FAM83G: variants seen among roughly 807,000 people sequenced by gnomAD.
The protein encoded by FAM83G is scaffolding CK1 anchoring protein G, also known as protein FAM83G.
Under a neutral mutation model 61.5 loss-of-function variants are expected in FAM83G, and 38 were observed. That is an observed-to-expected ratio of 0.62 (90% CI 0.48 to 0.81). The LOEUF is 0.81. Ranked by LOEUF, FAM83G falls within the 30% of genes least tolerant of loss-of-function variation. FAM83G has a pLI of 0.00. For missense variants in FAM83G, 989 were observed against 1,133.6 expected, an observed-to-expected ratio of 0.87 and a Z score of 1.83; for synonymous variants, 470 against 476.1, an observed-to-expected ratio of 0.99 and a Z score of 0.17.
In FAM83G at chr17:18,978,382, G is replaced by T; in HGVS notation, c.1284C>A (p.Tyr428Ter). Residue 428 changes from tyrosine to a stop codon, truncating the protein, a stop_gained, in exon 5 of 6, where the codon TAC becomes TAA. Transcript: ENST00000388995. LOFTEE classifies it high-confidence loss of function. ...AGATGTTGGGGTCGATGATATTGAT[G>T]TAGCCCAGGATGTCGCTGCCAGGCT... ...DPEPGSDILG[Y>*]INIIDPNIWN... The T allele has an allele frequency of 1.3e-6, 2 of 1,592,680 alleles. No homozygotes were observed. Among genetic ancestry groups the T allele is most frequent in the Non-Finnish European group, 8.5e-7 (1 of 1,169,696 alleles).
In FAM83G at chr17:18,969,360, T is replaced by C; in HGVS notation, c.*1999A>G. The C allele has an allele frequency of 6.2e-7, 1 of 1,613,608 alleles. No homozygotes were observed. Among genetic ancestry groups the C allele is most frequent in the African/African-American group, 1.3e-5 (1 of 75,070 alleles). ...CTGGCAGGGGGCCTGGCTGCTGTAA[T>C]CTACACGGACGCCCTGCAGACGCTC... On this transcript the variant is annotated 3_prime_UTR_variant, in exon 6 of 6. Transcript: ENST00000388995.
chr17:18,994,241 C>G (rs531928077), intron 2 of FAM83G, among the ~76,000 whole-genome samples: 6 of 152,354 alleles, frequency 3.9e-5, no homozygotes, highest in African/African-American at 1.4e-4. Context: ...CCATGGACAA[C>G]AGGCTTCAAT....
At position 19,003,988 on chromosome 17, in the gene FAM83G, G is replaced by A; in HGVS notation, c.54C>T (p.Ser18=). ...AGAAGAACTCAGGCTTGGACTCGCTGGAGCGCCAGTTCACATGGTTGTCGT... is the reference window on the plus strand; with the variant it reads ...AGAAGAACTCAGGCTTGGACTCGCTAGAGCGCCAGTTCACATGGTTGTCGT... The part of the protein sequence containing the change: ...CLDDNHVNWR[S]SESKPEFFYS... Residue 18 remains serine, a synonymous_variant, in exon 2 of 6, where the codon TCC becomes TCT. Transcript: ENST00000388995. The surrounding 1 kb of genome is among the most constrained non-coding windows in gnomAD (Gnocchi z 4.5). 6.2e-7 allele frequency: 1 copy of A among 1,612,210 alleles called. No individual in the cohort carries two copies. The highest frequency in any genetic ancestry group is 8.5e-7 in the Non-Finnish European group (1 of 1,179,550).
At chr17:19,005,805 G>GC (rs1041447038), upstream of FAM83G, among the ~76,000 whole-genome samples, 2 of 152,132 alleles carry the variant, frequency 1.3e-5, no homozygotes, top group African/African-American at 2.4e-5. Flanking sequence ...CTGCCATATA[G>GC]CCCCCCAAGG....
intron 3 of FAM83G, among the ~76,000 whole-genome samples, chr17:18,984,250 GAT>G (rs2043209688): frequency 6.8e-6 from 1 of 147,692 alleles, no homozygotes; most frequent in African/African-American, 2.6e-5. Flanking sequence ...GCTGAAGCAG[GAT>G]AATGGCACGA....
At chr17:18,995,339 G>T (rs1216815052) in intron 2 of FAM83G, among the ~76,000 whole-genome samples, 1 of 152,134 alleles carries the variant, frequency 6.6e-6, no homozygotes, top group Non-Finnish European at 1.5e-5. Flanking sequence ...CAACATTTAA[G>T]ACGAAAAATA....
intron 5 of FAM83G, among the ~76,000 whole-genome samples, chr17:18,974,180 C>T (rs971440385): frequency 1.6e-4 from 24 of 152,066 alleles, no homozygotes; most frequent in Non-Finnish European, 3.1e-4. Context: ...CATGAGCCAC[C>T]ATGCCCAGCC....
Position 18,971,303 on chromosome 17 carries a change from C to T in FAM83G, c.*56G>A, listed in dbSNP as rs566888525. On this transcript the variant is annotated 3_prime_UTR_variant, in exon 6 of 6. Coordinates refer to ENST00000388995, the MANE Select transcript of FAM83G (RefSeq NM_001039999.3). The surrounding 1 kb of genome is among the most constrained non-coding windows in gnomAD (Gnocchi z 5.5). ...GCCCAGGCGGCCTGTCTGCCCTCCG[C>T]GTCATGAGTCTGGGCTGGGGCCTCA... is the stretch of plus-strand genomic sequence containing the variant. 1.1e-3 allele frequency: 1,768 copies of T among 1,608,052 alleles called. 5 individuals carry two copies. The highest frequency in any genetic ancestry group is 1.7e-3 in the South Asian group (152 of 90,712).
chr17:18,990,727 G>A (rs1268347417), intron 2 of FAM83G, among the ~76,000 whole-genome samples: 6 of 152,246 alleles, frequency 3.9e-5, no homozygotes, highest in Non-Finnish European at 8.8e-5. Context: ...ATTGGGTTCA[G>A]TGCCTAGGGT....
At chr17:19,001,318 T>C (rs964947948) in intron 2 of FAM83G, among the ~76,000 whole-genome samples, 1 of 152,222 alleles carries the variant, frequency 6.6e-6, no homozygotes, top group Non-Finnish European at 1.5e-5. Context: ...TCCTTCTCTG[T>C]GCCTCAGTAT....
rs1393758835 is a variant in FAM83G, at chr17:19,000,403, G to T, written c.522+3117C>A. On this transcript the variant is annotated intron_variant, in intron 2 of 5. Coordinates refer to ENST00000388995, the MANE Select transcript of FAM83G (RefSeq NM_001039999.3). This position sits in a 1 kb window ranked among gnomAD's most constrained non-coding sequence, Gnocchi z 5.2. Reference sequence around the variant, plus strand: ...GACCGGGGCTTGGAGAGGAGCTGGGGCTTGTTCCAGGTCCCACAGTCAGGC... The same window carrying T: ...GACCGGGGCTTGGAGAGGAGCTGGGTCTTGTTCCAGGTCCCACAGTCAGGC... Among the ~76,000 whole-genome samples, 1 of 152,200 alleles carries T rather than the reference G, an allele frequency of 6.6e-6. No homozygotes were observed. Among genetic ancestry groups the T allele is most frequent in the African/African-American group, 2.4e-5 (1 of 41,452 alleles).
chr17:18,978,957 G>T, intron 4 of FAM83G, 107 bp from the exon 5 acceptor site: 1 of 1,306,636 alleles, frequency 7.7e-7, no homozygotes, highest in Non-Finnish European at 1.1e-6. Flanking sequence ...ACAGGGCCCT[G>T]GGATCAAGAA....
Position 18,991,525 on chromosome 17 carries a change from T to A in FAM83G, c.523-3111A>T, listed in dbSNP as rs1261088616. ...TGTGGAAATGAGAGGGGAGGCTGAC[T>A]CCAAAGACCAGCTCTACCTGCTGTT... is the stretch of plus-strand genomic sequence containing the variant. On this transcript the variant is annotated intron_variant, in intron 2 of 5. Transcript: ENST00000388995. Among the ~76,000 whole-genome samples the A allele has an allele frequency of 2.6e-5, 4 of 152,080 alleles. No individual in the cohort carries two copies. The East Asian group carries it at 7.7e-4, about 29-fold the overall frequency.
At position 19,003,845 on chromosome 17, in the gene FAM83G, C is replaced by A; in HGVS notation, c.197G>T (p.Arg66Leu). ...RDFLSELELKRILETIEVYDP... is the reference protein window; with the variant it reads ...RDFLSELELKLILETIEVYDP... ...GTACACCTCGATGGTCTCCAGGATG[C>A]GCTTGAGCTCCAGCTCCGAGAGGAA... Residue 66 changes from arginine to leucine, a missense_variant, in exon 2 of 6, where the codon CGC becomes CTC. Coordinates refer to ENST00000388995, the MANE Select transcript of FAM83G (RefSeq NM_001039999.3). The surrounding 1 kb of genome is among the most constrained non-coding windows in gnomAD (Gnocchi z 4.5). 6.2e-7 allele frequency: 1 copy of A among 1,613,030 alleles called. No homozygotes were observed. The highest frequency in any genetic ancestry group is 1.7e-5 in the Admixed American group (1 of 60,020).
chr17:18,970,148 G>A lies in FAM83G; in HGVS notation c.*1211C>T, dbSNP rs1370468803. 2 of 152,308 alleles carry A rather than the reference G, an allele frequency of 1.3e-5. No homozygotes were observed. Among genetic ancestry groups the A allele is most frequent in the African/African-American group, 4.8e-5 (2 of 41,472 alleles). 9.4% of individuals were successfully genotyped at this position (152,308 alleles called of 1,614,324 possible). On this transcript the variant is annotated 3_prime_UTR_variant, in exon 6 of 6. Transcript: ENST00000388995. ...GCCTGACCTGAGCTCCATGGGAACA[G>A]TGATGCTGGGGAGACCAGCATCCAG...
At position 18,978,822 on chromosome 17, in the gene FAM83G, G is replaced by T. The variant is rs1006232643; in HGVS notation, c.844C>A (p.Arg282=). The T allele has an allele frequency of 6.2e-7, 1 of 1,612,608 alleles. No homozygotes were observed. Among genetic ancestry groups the T allele is most frequent in the Non-Finnish European group, 8.5e-7 (1 of 1,179,858 alleles). ...SFTWSAARTD[R]NVISVLSGQV... is the part of the protein sequence containing the mutation. Reference sequence around the variant, plus strand: ...CCAGACAGCACAGAGATCACATTCCGGTCCGTCCGCGCGGCCGACCACGTG... The same window carrying T: ...CCAGACAGCACAGAGATCACATTCCTGTCCGTCCGCGCGGCCGACCACGTG... The change falls in exon 5 of 6, where the codon CGG becomes AGG. Residue 282 remains arginine (R), a synonymous_variant. Transcript: ENST00000388995.
rs1435842930 is a variant in FAM83G, at chr17:18,977,786, A to T, written c.1880T>A (p.Val627Asp). The T allele has an allele frequency of 6.2e-7, 1 of 1,602,402 alleles. No individual in the cohort carries two copies. The highest frequency in any genetic ancestry group is 1.1e-5 in the South Asian group (1 of 89,660). ...CTCTGAGTGGCGCCTCCGGAGAGGG[A>T]CTGAGTGCTCTCTCACCTCGAAGTA... ...EEYFEVREHS[V>D]PLRRRHSEQV... Residue 627 changes from valine to aspartate, a missense_variant, in exon 5 of 6, where the codon GTC becomes GAC. Around this residue, in one of 3 missense-constraint regions of FAM83G, gnomAD observed 574 missense variants for 645.1 expected, o/e 0.89. Transcript: ENST00000388995.
chr17:19,000,684 T>G lies in FAM83G; in HGVS notation c.522+2836A>C, dbSNP rs2043708006. Among the ~76,000 whole-genome samples the G allele has an allele frequency of 6.6e-6, 1 of 152,010 alleles. No individual in the cohort carries two copies. The highest frequency in any genetic ancestry group is 2.4e-5 in the African/African-American group (1 of 41,406). On this transcript the variant is annotated intron_variant, in intron 2 of 5. Coordinates refer to ENST00000388995, the MANE Select transcript of FAM83G (RefSeq NM_001039999.3). This position sits in a 1 kb window ranked among gnomAD's most constrained non-coding sequence, Gnocchi z 5.2. ...AGCCCCCGGTGGGAAGGGGCCAGTG[T>G]GCGGCAAGGCGGCCCAGGCAGAGGG...
upstream of FAM83G, among the ~76,000 whole-genome samples, chr17:19,006,069 T>G (rs2043881611): frequency 6.6e-6 from 1 of 152,178 alleles, no homozygotes; most frequent in African/African-American, 2.4e-5. Flanking sequence ...AAGGCCTCAC[T>G]CCCACCTCCA....
Sources: gnomAD v4.1 joint callset for allele counts (sites outside exome capture counted in the v4.1 genomes callset) on GRCh38, gnomAD v4.1.1 for gene constraint, gnomAD v4.1.1 regional missense constraint, Gnocchi (gnomAD v3.1) non-coding constraint, MANE v1.5 for transcripts, NCBI Gene and HGNC (gene_info 2026-07-23, HGNC 2026-07-21) for gene names.